CLN6: variants seen among roughly 807,000 people sequenced by gnomAD.
CLN6 encodes ceroid-lipofuscinosis neuronal protein 6.
Under a neutral mutation model 33.3 loss-of-function variants are expected in CLN6, and 22 were observed. That is an observed-to-expected ratio of 0.66 (90% CI 0.47 to 0.94). CLN6 has a LOEUF of 0.94. Ranked by LOEUF, CLN6 falls within the 40% of genes least tolerant of loss-of-function variation. The probability of loss-of-function intolerance (pLI) is 0.00; values close to 1 mark genes in which losing one functional copy is unlikely to be tolerated. For synonymous variants in CLN6, 201 were observed against 174.6 expected, an observed-to-expected ratio of 1.15 and a Z score of -1.19; for missense variants, 387 against 417.1, an observed-to-expected ratio of 0.93 and a Z score of 0.63.
At chr15:68,252,286 TAA>T (rs1892389491) in intron 1 of CLN6, among the ~76,000 whole-genome samples, 1 of 152,058 alleles carries the variant, frequency 6.6e-6, no homozygotes, top group South Asian at 2.1e-4. Context: ...GTGTGAATCT[TAA>T]AATAAGAAAA....
rs2093259684 is a variant in CLN6 at position 68,228,943 on chromosome 15, T to C, written c.83+559A>G. ...ACCAAAAACTGAGAAGGGCTCCTCA[T>C]TCATTCTCTGGACGGCAGCTTCCGC... On this transcript the variant is annotated intron_variant, in intron 1 of 6. Coordinates refer to ENST00000249806, the MANE Select transcript of CLN6 (RefSeq NM_017882.3). This position sits in a 1 kb window ranked among gnomAD's most constrained non-coding sequence, Gnocchi z 4.4. Among the ~76,000 whole-genome samples the C allele has an allele frequency of 6.6e-6, 1 of 152,102 alleles. No individual in the cohort carries two copies. The highest frequency in any genetic ancestry group is 1.5e-5 in the Non-Finnish European group (1 of 68,020).
chr15:68,230,174 G>T (rs547432475), upstream of CLN6, among the ~76,000 whole-genome samples: 16 of 152,288 alleles, frequency 1.1e-4, no homozygotes, highest in Admixed American at 3.9e-4. The surrounding 1 kb of genome is among the most constrained non-coding windows in gnomAD (Gnocchi z 4.0). Flanking sequence ...ACAGTGGGAA[G>T]GAGCGAGTTG....
intron 1 of CLN6, among the ~76,000 whole-genome samples, chr15:68,250,372 C>G (rs1892365923): frequency 1.3e-5 from 2 of 151,622 alleles, no homozygotes; most frequent in African/African-American, 4.8e-5. Context: ...CCTATAATCC[C>G]AGCACTTTGG....
In CLN6 at chr15:68,207,728, G is replaced by T; in HGVS notation, c.*412C>A. 1.3e-5 allele frequency: 4 copies of T among 302,164 alleles called. No individual in the cohort carries two copies. The highest frequency in any genetic ancestry group is 1.3e-4 in the South Asian group (4 of 30,692). The allele number at this position is 302,164 out of a possible 1,614,324, so 18.7% of individuals were successfully genotyped here. On this transcript the variant is annotated 3_prime_UTR_variant, in exon 7 of 7. Transcript: ENST00000249806. ...GAGGGATGAGCCAGGTGGTGGGCAG[G>T]TGACACACCAGGTCCCCTCCTGGCC...
rs34008952 is a variant in CLN6 at position 68,245,032 on chromosome 15, C to CAAAAA, written c.179+11653_179+11657dup. On this transcript the variant is annotated intron_variant, in intron 1 of 6. Coordinates refer to the CLN6 transcript ENST00000538696. ...CTTGGATGACAGAGCAAGACTCTGA[C>CAAAAA]AAAAAAAAAAAAAAAAAAGAGAGAG... Among the ~76,000 whole-genome samples, 866 of 100,394 alleles carry CAAAAA rather than the reference C, an allele frequency of 8.6e-3. 45 individuals are homozygous for CAAAAA. The highest frequency in any genetic ancestry group is 0.026 in the African/African-American group (697 of 26,520). 65.9% of individuals were successfully genotyped at this position (100,394 alleles called of 152,430 possible).
chr15:68,209,555 A>AC lies in CLN6; in HGVS notation c.665+81_665+82insG. 2 of 1,576,806 alleles carry AC rather than the reference A, an allele frequency of 1.3e-6. No individual in the cohort carries two copies. Among genetic ancestry groups the AC allele is most frequent in the Non-Finnish European group, 1.7e-6 (2 of 1,156,994 alleles). ...GCCAGTCTCCCTGGGGCCACACAGCAGGTCCATTGGCAAGTGCAGAATTTT... is the reference window on the plus strand; with the variant it reads ...GCCAGTCTCCCTGGGGCCACACAGCACGGTCCATTGGCAAGTGCAGAATTTT... On this transcript the variant is annotated intron_variant, in intron 6 of 6. Coordinates refer to ENST00000249806, the MANE Select transcript of CLN6 (RefSeq NM_017882.3). The surrounding 1 kb of genome is among the most constrained non-coding windows in gnomAD (Gnocchi z 4.9).
At chr15:68,222,153 G>A (rs1242182059) in intron 1 of CLN6, among the ~76,000 whole-genome samples, 1 of 148,790 alleles carries the variant, frequency 6.7e-6, no homozygotes, top group African/African-American at 2.5e-5. Flanking sequence ...CGTCTGGGAG[G>A]TGAGGAGCCC....
chr15:68,234,656 G>C (rs751770176), upstream of CLN6, among the ~76,000 whole-genome samples: 6 of 152,148 alleles, frequency 3.9e-5, no homozygotes, highest in Non-Finnish European at 8.8e-5. The surrounding 1 kb of genome is among the most constrained non-coding windows in gnomAD (Gnocchi z 4.1). Flanking sequence ...GAGAAGCTGA[G>C]AGGCTCCCAG....
At position 68,242,421 on chromosome 15, in the gene CLN6, CA is replaced by C. The variant is rs1360933865; in HGVS notation, c.179+14268del. ...AATACAAAGGAATGAAGATTGCCGA[CA>C]AGATATGGGAAATTGCCTCAAAAGA... On this transcript the variant is annotated intron_variant, in intron 1 of 6. Transcript: ENST00000538696. The surrounding 1 kb of genome is among the most constrained non-coding windows in gnomAD (Gnocchi z 5.0). Among the ~76,000 whole-genome samples, 1 of 151,942 alleles carries C rather than the reference CA, an allele frequency of 6.6e-6. No individual in the cohort carries two copies. The highest frequency in any genetic ancestry group is 1.5e-5 in the Non-Finnish European group (1 of 67,994).
At chr15:68,252,276 G>A (rs1481365745) in intron 1 of CLN6, among the ~76,000 whole-genome samples, 1 of 152,078 alleles carries the variant, frequency 6.6e-6, no homozygotes, top group Non-Finnish European at 1.5e-5. Context: ...ACCCGGTCTT[G>A]TGTGAATCTT....
intron 1 of CLN6, 66 bp downstream of exon 1, chr15:68,229,436 G>A (rs1193731556): frequency 3.2e-6 from 4 of 1,267,230 alleles, no homozygotes; most frequent in Non-Finnish European, 4.2e-6. Flanking sequence ...GGAGCGTCAC[G>A]TGGCGGGTCC....
At chr15:68,249,658 T>C (rs6494727) in intron 1 of CLN6, among the ~76,000 whole-genome samples, 72,229 of 151,976 alleles carry the variant, frequency 0.48, 17,966 homozygotes, top group Non-Finnish European at 0.55. Flanking sequence ...ACAGTAAGGG[T>C]GGGTGAGGGG....
At position 68,227,476 on chromosome 15, in the gene CLN6, A is replaced by C. The variant is rs17317291; in HGVS notation, c.83+2026T>G. ...AGCATCCTAGGAACTGGACAGGATG[A>C]TTCTGCCTACTCTCTTGAGCAGCAA... is the stretch of plus-strand genomic sequence containing the variant. On this transcript the variant is annotated intron_variant, in intron 1 of 6. Coordinates refer to ENST00000249806, the MANE Select transcript of CLN6 (RefSeq NM_017882.3). This position sits in a 1 kb window ranked among gnomAD's most constrained non-coding sequence, Gnocchi z 4.1. Among the ~76,000 whole-genome samples, 10,934 of 152,270 alleles carry C rather than the reference A, an allele frequency of 0.072. 460 individuals are homozygous for C. Among genetic ancestry groups the C allele is most frequent in the Admixed American group, 0.13 (1,922 of 15,302 alleles).
Position 68,228,446 on chromosome 15 carries a change from C to T in CLN6, c.83+1056G>A, listed in dbSNP as rs574055266. On this transcript the variant is annotated intron_variant, in intron 1 of 6. Transcript: ENST00000249806. The surrounding 1 kb of genome is among the most constrained non-coding windows in gnomAD (Gnocchi z 4.4). ...GGCCCAACATTTGAGGCGGCACTCA[C>T]GGTCACGGCAGTGCGCCTACCCCTA... Among the ~76,000 whole-genome samples the T allele has an allele frequency of 2.6e-5, 4 of 152,188 alleles. No individual in the cohort carries two copies. Among genetic ancestry groups the T allele is most frequent in the Non-Finnish European group, 4.4e-5 (3 of 68,026 alleles).
upstream of CLN6, among the ~76,000 whole-genome samples, chr15:68,234,182 C>T (rs763594630): frequency 1.3e-5 from 2 of 152,198 alleles, no homozygotes; most frequent in African/African-American, 4.8e-5. The surrounding 1 kb of genome is among the most constrained non-coding windows in gnomAD (Gnocchi z 4.1). Flanking sequence ...CCATGTCATC[C>T]TTCTCTCTTT....
intron 1 of CLN6, among the ~76,000 whole-genome samples, chr15:68,252,974 T>C (rs1892395041): frequency 6.6e-6 from 1 of 152,258 alleles, no homozygotes; most frequent in Non-Finnish European, 1.5e-5. Flanking sequence ...GGTGGATGCA[T>C]GAATAGGCAG....
chr15:68,218,785 G>A, intron 1 of CLN6, 135 bp from the exon 2 acceptor site: 1 of 678,126 alleles, frequency 1.5e-6, no homozygotes, highest in East Asian at 3.0e-5. Context: ...TATGGATAGG[G>A]TTTTGCTGGA....
intron 2 of CLN6, 137 bp downstream of exon 2, chr15:68,218,399 T>C: frequency 2.8e-6 from 2 of 709,588 alleles, no homozygotes; most frequent in East Asian, 5.7e-5. Flanking sequence ...GCTAAGGATA[T>C]GAAGGCATCC....
chr15:68,210,242 T>C lies in CLN6; in HGVS notation c.543-483A>G, dbSNP rs1347019922. On this transcript the variant is annotated intron_variant, in intron 5 of 6. Transcript: ENST00000249806. The surrounding 1 kb of genome is among the most constrained non-coding windows in gnomAD (Gnocchi z 5.6). ...CCTCAGACACCTCACCCCAAAATAC[T>C]ACCCTCTCCCCTCTCCACACACCGG... Among the ~76,000 whole-genome samples the C allele has an allele frequency of 5.4e-5, 7 of 129,488 alleles. No individual in the cohort carries two copies. Among genetic ancestry groups the C allele is most frequent in the Non-Finnish European group, 1.1e-4 (7 of 61,346 alleles). The allele number at this position is 129,488 out of a possible 152,430, so 84.9% of individuals were successfully genotyped here.
Sources: gnomAD v4.1 joint callset for allele counts (sites outside exome capture counted in the v4.1 genomes callset) on GRCh38, gnomAD v4.1.1 for gene constraint, Gnocchi (gnomAD v3.1) non-coding constraint, MANE v1.5 for transcripts, NCBI Gene and HGNC (gene_info 2026-07-23, HGNC 2026-07-21) for gene names.